The following AHI1 variants were observed in gnomAD, a reference collection of about 807,000 sequenced individuals.
AHI1 encodes the protein jouberin.
In AHI1, 123 loss-of-function variants were observed where a neutral mutation model predicts 149.3. The ratio of observed to expected loss-of-function variants is 0.82; its 90% CI spans 0.71 to 0.96. The LOEUF is 0.96. Ranked by LOEUF, AHI1 falls within the 40% of genes least tolerant of loss-of-function variation. The probability of loss-of-function intolerance (pLI) is 0.00; values close to 1 mark genes in which losing one functional copy is unlikely to be tolerated. For synonymous variants in AHI1, 475 were observed against 459.8 expected (o/e 1.03, Z -0.42); for missense variants, 1,439 against 1,422.7 (o/e 1.01, Z -0.18).
intron 26 of AHI1, 158 bp downstream of exon 26, chr6:135,318,361 A>G: frequency 3.3e-6 from 2 of 602,208 alleles, no homozygotes; most frequent in East Asian, 5.8e-5. Flanking sequence ...AAATGGCTAT[A>G]ACGTTTGCCT....
At chr6:135,372,565 T>A (rs1434572628) in intron 23 of AHI1, among the ~76,000 whole-genome samples, 3 of 151,558 alleles carry the variant, frequency 2.0e-5, no homozygotes, top group African/African-American at 7.3e-5. Context: ...GGTGTGCATG[T>A]GTAGTCCAGC....
In AHI1 at chr6:135,395,625, A is replaced by G. The variant is rs145594524; in HGVS notation, c.2989-729T>C. ...GAAAAAGCTTGAAATGTTTATAGGC[A>G]AATTCATCTTGTAAATCAGAATTCG... On this transcript the variant is annotated intron_variant, in intron 22 of 28. Coordinates refer to ENST00000265602, the MANE Select transcript of AHI1 (RefSeq NM_001134831.2). 3.5e-3 allele frequency among the ~76,000 whole-genome samples: 533 copies of G among 152,034 alleles called. 7 individuals are homozygous for G. Among genetic ancestry groups the G allele is most frequent in the Non-Finnish European group, 1.3e-3 (86 of 67,804 alleles).
rs537987960 is a variant in AHI1, at chr6:135,488,907, T to G, written c.135+1716A>C. ...AGTGTTTGAATCCTGGTTCTACCAT[T>G]TACTATGTAACTTTCAGCAAGTTAC... On this transcript the variant is annotated intron_variant, in intron 5 of 28. Coordinates refer to ENST00000265602, the MANE Select transcript of AHI1 (RefSeq NM_001134831.2). Among the ~76,000 whole-genome samples the G allele has an allele frequency of 1.5e-3, 224 of 152,286 alleles. 1 individual carries two copies. Among genetic ancestry groups the G allele is most frequent in the African/African-American group, 5.2e-3 (215 of 41,568 alleles).
intron 22 of AHI1, among the ~76,000 whole-genome samples, chr6:135,400,510 G>A (rs1779876844): frequency 6.6e-6 from 1 of 152,136 alleles, no homozygotes; most frequent in South Asian, 2.1e-4. Flanking sequence ...TTACAGAGGT[G>A]TGTGGAGGGA....
intron 9 of AHI1, 41 bp downstream of exon 9, chr6:135,457,453 T>C (rs1233397171): frequency 6.8e-7 from 1 of 1,473,752 alleles, no homozygotes; most frequent in Admixed American, 1.9e-5. Context: ...CTTCTACTAG[T>C]TTCAGTTTCA....
At chr6:135,462,718 T>C (rs991022514) in intron 8 of AHI1, among the ~76,000 whole-genome samples, 5 of 152,074 alleles carry the variant, frequency 3.3e-5, no homozygotes, top group Non-Finnish European at 7.4e-5. Context: ...TTGGCCAACA[T>C]GGTGAAACCC....
chr6:135,321,572 C>T (rs954839204), intron 25 of AHI1, among the ~76,000 whole-genome samples: 7 of 152,062 alleles, frequency 4.6e-5, no homozygotes, highest in Non-Finnish European at 7.4e-5. Flanking sequence ...GCCCAGCATC[C>T]GGTAATCACG....
intron 24 of AHI1, among the ~76,000 whole-genome samples, chr6:135,341,963 C>G (rs1174102248): frequency 2.0e-5 from 3 of 151,436 alleles, no homozygotes; most frequent in African/African-American, 7.3e-5. Flanking sequence ...ATAAATAAAA[C>G]AACAAATAGA....
intron 25 of AHI1, among the ~76,000 whole-genome samples, chr6:135,321,695 A>G (rs560101294): frequency 6.6e-6 from 1 of 152,370 alleles, no homozygotes; most frequent in South Asian, 2.1e-4. Flanking sequence ...TTCATGGACT[A>G]GCCTGAAAAC....
At chr6:135,363,525 G>A (rs1794266325) in intron 23 of AHI1, among the ~76,000 whole-genome samples, 1 of 152,084 alleles carries the variant, frequency 6.6e-6, no homozygotes, top group African/African-American at 2.4e-5. Flanking sequence ...CTACAAAACC[G>A]CCATTGTCAT....
At chr6:135,362,766 G>A (rs1794113553) in intron 23 of AHI1, among the ~76,000 whole-genome samples, 1 of 151,932 alleles carries the variant, frequency 6.6e-6, no homozygotes, top group African/African-American at 2.4e-5. Flanking sequence ...CTGTATAGTA[G>A]TCCTTTGTCA....
At chr6:135,377,654 AT>A (rs1208415759) in intron 23 of AHI1, among the ~76,000 whole-genome samples, 1 of 151,612 alleles carries the variant, frequency 6.6e-6, no homozygotes, top group Non-Finnish European at 1.5e-5. Context: ...TACTTTTTAA[AT>A]TTTTTTGTAG....
chr6:135,486,401 T>A (rs1794478779), intron 5 of AHI1, among the ~76,000 whole-genome samples: 1 of 152,240 alleles, frequency 6.6e-6, no homozygotes, highest in Admixed American at 6.5e-5. Flanking sequence ...TCCATTACTA[T>A]CCTATTTCCA....
intron 5 of AHI1, among the ~76,000 whole-genome samples, chr6:135,473,284 C>T (rs964570253): frequency 3.3e-5 from 5 of 152,118 alleles, no homozygotes; most frequent in Admixed American, 1.3e-4. Context: ...TTTCTATACC[C>T]TATTCTGCTC....
At chr6:135,301,389 G>C (rs1232305220) in intron 26 of AHI1, 1 of 982,070 alleles carries the variant, frequency 1.0e-6, no homozygotes, top group African/African-American at 1.7e-5. Context: ...AAAATGAAAT[G>C]AAAGAAAAGG....
intron 20 of AHI1, among the ~76,000 whole-genome samples, chr6:135,418,128 AAC>A (rs1782650921): frequency 1.3e-5 from 2 of 152,114 alleles, no homozygotes; most frequent in African/African-American, 4.8e-5. Context: ...TCATAATTTT[AAC>A]AGTCTCACTC....
At chr6:135,345,602 C>G (rs975094193) in intron 24 of AHI1, among the ~76,000 whole-genome samples, 1 of 151,856 alleles carries the variant, frequency 6.6e-6, no homozygotes, top group African/African-American at 2.4e-5. Flanking sequence ...TATAAAATAT[C>G]CAGAATAGGC....
rs143240812 is a variant in AHI1 at position 135,444,239 on chromosome 6, C to A, written c.1780-1525G>T. On this transcript the variant is annotated intron_variant, in intron 13 of 28. Transcript: ENST00000265602. ...AATTCTGATGTTACTACTTCAAGATCTCCCCATGCCACTGCCTGCATTAAT... is the reference window on the plus strand; with the variant it reads ...AATTCTGATGTTACTACTTCAAGATATCCCCATGCCACTGCCTGCATTAAT... Among the ~76,000 whole-genome samples the A allele has an allele frequency of 3.0e-3, 454 of 152,296 alleles. 7 individuals carry two copies. The highest frequency in any genetic ancestry group is 0.014 in the Middle Eastern group (4 of 294).
rs1167083326 is a variant in AHI1, at chr6:135,376,881, C to CAAAAAAAAAA, written c.3109+17885_3109+17894dup. Among the ~76,000 whole-genome samples, 14 of 29,440 alleles carry CAAAAAAAAAA rather than the reference C, an allele frequency of 4.8e-4. 2 individuals carry two copies. The highest frequency in any genetic ancestry group is 2.1e-3 in the African/African-American group (13 of 6,242). 19.3% of individuals were successfully genotyped at this position (29,440 alleles called of 152,430 possible). A position where few individuals can be genotyped will look rare whatever the true frequency, so the allele number is the denominator to read the frequency against. ...TCGGTGACAGAGCGAGACTCCATCT[C>CAAAAAAAAAA]AAAAAAAAAAAAAAAAAAAAAAAAA... On this transcript the variant is annotated intron_variant, in intron 23 of 28. Coordinates refer to ENST00000265602, the MANE Select transcript of AHI1 (RefSeq NM_001134831.2).
Sources: gnomAD v4.1 joint callset for allele counts (sites outside exome capture counted in the v4.1 genomes callset) on GRCh38, gnomAD v4.1.1 for gene constraint, MANE v1.5 for transcripts, NCBI Gene and HGNC (gene_info 2026-07-23, HGNC 2026-07-21) for gene names.